Variants in RETREG3 observed in about 807,000 individuals in gnomAD.
RETREG3 encodes reticulophagy regulator 3.
A neutral mutation model predicts 50.2 loss-of-function variants in RETREG3; 23 were observed. The observed-to-expected ratio is 0.46, with a 90% CI of 0.33 to 0.65. The LOEUF is 0.65. Ranked by LOEUF, RETREG3 falls within the 30% of genes least tolerant of loss-of-function variation. The pLI, the probability that RETREG3 is intolerant of heterozygous loss-of-function variation, is 0.02. For missense variants in RETREG3, 546 were observed against 598.0 expected, an observed-to-expected ratio of 0.91 and a Z score of 0.91; for synonymous variants, 240 against 234.4, an observed-to-expected ratio of 1.02 and a Z score of -0.22.
chr17:42,596,224 T>A (rs2143404483), intron 1 of RETREG3, among the ~76,000 whole-genome samples: 1 of 150,728 alleles, frequency 6.6e-6, no homozygotes, highest in East Asian at 2.0e-4. Flanking sequence ...AAAAAAAAAT[T>A]AGCCAGGTAT....
chr17:42,579,564 TCA>T lies in RETREG3; in HGVS notation c.*2247_*2248del, dbSNP rs1189073696. 1 of 152,874 alleles carries T rather than the reference TCA, an allele frequency of 6.5e-6. No individual in the cohort carries two copies. Among genetic ancestry groups the T allele is most frequent in the Non-Finnish European group, 1.5e-5 (1 of 68,068 alleles). The allele number at this position is 152,874 out of a possible 1,614,324, so 9.5% of individuals were successfully genotyped here. A position where few individuals can be genotyped will look rare whatever the true frequency, so the allele number is the denominator to read the frequency against. On this transcript the variant is annotated 3_prime_UTR_variant, in exon 9 of 9. Transcript: ENST00000309428. ...CCAGCACACCCCTCCCCTCCTCAGT[TCA>T]CAGTGGAGACTATGGAGATTCAGGG...
chr17:42,595,288 C>T (rs374274743), intron 1 of RETREG3, among the ~76,000 whole-genome samples: 8 of 151,094 alleles, frequency 5.3e-5, no homozygotes, highest in Non-Finnish European at 7.4e-5. Flanking sequence ...TTTTTTGAGA[C>T]GGAATTTTTT....
chr17:42,581,442 G>A lies in RETREG3; in HGVS notation c.*371C>T. ...GGGCTCTAGAGAGGCGATGAAAGGA[G>A]GAAGGCAGGCATGGGCTCTTTCAGT... is the stretch of plus-strand genomic sequence containing the variant. On this transcript the variant is annotated 3_prime_UTR_variant, in exon 9 of 9. Coordinates refer to ENST00000309428, the MANE Select transcript of RETREG3 (RefSeq NM_178126.4). The A allele has an allele frequency of 5.4e-6, 1 of 185,772 alleles. No homozygotes were observed. The highest frequency in any genetic ancestry group is 1.1e-5 in the Non-Finnish European group (1 of 90,320). 11.5% of individuals were successfully genotyped at this position (185,772 alleles called of 1,614,324 possible).
Position 42,581,762 on chromosome 17 carries a change from A to G in RETREG3, c.*51T>C, listed in dbSNP as rs1159127856. On this transcript the variant is annotated 3_prime_UTR_variant, in exon 9 of 9. Transcript: ENST00000309428. ...CCCTTGCCCCATCACCTTAAGTGGG[A>G]TGGGGAGAAAAAAACCTAAACCACA... The G allele has an allele frequency of 6.8e-7, 1 of 1,481,470 alleles. No individual in the cohort carries two copies. Among genetic ancestry groups the G allele is most frequent in the South Asian group, 1.4e-5 (1 of 73,748 alleles). 91.8% of individuals were successfully genotyped at this position (1,481,470 alleles called of 1,614,324 possible).
intron 1 of RETREG3, among the ~76,000 whole-genome samples, chr17:42,596,118 C>T (rs1019031032): frequency 3.3e-5 from 5 of 151,410 alleles, no homozygotes; most frequent in Non-Finnish European, 5.9e-5. Context: ...CCTATAATCC[C>T]AACACTTTGG....
chr17:42,602,801 A>G (rs2093160966), intron 1 of RETREG3, among the ~76,000 whole-genome samples: 1 of 152,064 alleles, frequency 6.6e-6, no homozygotes, highest in South Asian at 2.1e-4. Flanking sequence ...ACAATTAACC[A>G]GGTGTGGTGA....
At chr17:42,590,623 G>C (rs1234055031) in intron 2 of RETREG3, among the ~76,000 whole-genome samples, 2 of 152,086 alleles carry the variant, frequency 1.3e-5, no homozygotes, top group East Asian at 3.9e-4. Flanking sequence ...AGTGAGCCAT[G>C]ATTGCGCCAC....
At chr17:42,584,934 A>G (rs1205182541) in intron 6 of RETREG3, among the ~76,000 whole-genome samples, 191 bp downstream of exon 6, 1 of 152,132 alleles carries the variant, frequency 6.6e-6, no homozygotes, top group Non-Finnish European at 1.5e-5. Context: ...GCCTAGGATT[A>G]CAAATGATAA....
intron 1 of RETREG3, chr17:42,598,641 C>A (rs2093152711): frequency 6.6e-6 from 1 of 152,206 alleles, no homozygotes; most frequent in African/African-American, 2.4e-5. Context: ...CTTTCGGCCC[C>A]ATTTCCTTAA....
At position 42,585,970 on chromosome 17, in the gene RETREG3, C is replaced by T. The variant is rs879006106; in HGVS notation, c.589+83G>A. 5.6e-6 allele frequency: 7 copies of T among 1,248,654 alleles called. No individual in the cohort carries two copies. The South Asian group carries it at 8.5e-5, about 15-fold the overall frequency. 77.3% of individuals were successfully genotyped at this position (1,248,654 alleles called of 1,614,324 possible). ...TCCTAGAGAATTGAAATATAACAGT[C>T]CTCTCCCCACACCTAGAGTTAGCCA... On this transcript the variant is annotated intron_variant, in intron 5 of 8. Transcript: ENST00000309428.
Position 42,580,365 on chromosome 17 carries a change from A to AT in RETREG3, c.*1447dup, listed in dbSNP as rs2093104753. 2 of 152,776 alleles carry AT rather than the reference A, an allele frequency of 1.3e-5. No individual in the cohort carries two copies. Among genetic ancestry groups the AT allele is most frequent in the South Asian group, 4.1e-4 (2 of 4,834 alleles). The allele number at this position is 152,776 out of a possible 1,614,324, so 9.5% of individuals were successfully genotyped here. On this transcript the variant is annotated 3_prime_UTR_variant, in exon 9 of 9. Coordinates refer to ENST00000309428, the MANE Select transcript of RETREG3 (RefSeq NM_178126.4). ...GCCATTTGTAAAGTGCTACTGTATC[A>AT]TCCCCCATGAATTATTGCTTCTCCA... is the stretch of plus-strand genomic sequence containing the variant.
chr17:42,606,386 AG>A (rs1178798221), intron 1 of RETREG3, among the ~76,000 whole-genome samples: 1 of 151,016 alleles, frequency 6.6e-6, no homozygotes, highest in Non-Finnish European at 1.5e-5. Flanking sequence ...TCACGAGGTC[AG>A]GAGATTGAGA....
At chr17:42,598,691 T>C (rs2093152798) in intron 1 of RETREG3, 1 of 152,244 alleles carries the variant, frequency 6.6e-6, no homozygotes, top group African/African-American at 2.4e-5. Context: ...TCTTCCTGTT[T>C]GTTATTATTA....
chr17:42,589,153 A>G (rs930723152), intron 2 of RETREG3, among the ~76,000 whole-genome samples: 1 of 152,082 alleles, frequency 6.6e-6, no homozygotes, highest in Non-Finnish European at 1.5e-5. Context: ...TGAATGATGT[A>G]TAAGTCTTTT....
chr17:42,586,799 T>C lies in RETREG3; in HGVS notation c.470A>G (p.Asn157Ser), dbSNP rs2093122199. The change falls in exon 4 of 9, where the codon AAT (asparagine) becomes AGT (serine). Residue 157 changes from asparagine (N) to serine (S), a missense_variant. Physicochemically the swap from Asn to Ser is conservative, Grantham distance 46. Transcript: ENST00000309428. ...GTTTTGCTTTTTGAAAAGCAAAACA[T>C]TCCTTATGAAAATGGTCCCACTAAC... ...VWVSGTIFIRNVLLFKKQNPG... is the reference protein window; with the variant it reads ...VWVSGTIFIRSVLLFKKQNPG... 6.2e-7 allele frequency: 1 copy of C among 1,614,070 alleles called. No homozygotes were observed. The highest frequency in any genetic ancestry group is 8.5e-7 in the Non-Finnish European group (1 of 1,179,982).
chr17:42,583,341 T>C (rs561029912), intron 7 of RETREG3, among the ~76,000 whole-genome samples, 157 bp downstream of exon 7: 2 of 151,986 alleles, frequency 1.3e-5, no homozygotes, highest in Non-Finnish European at 2.9e-5. Flanking sequence ...AAGAAAAAAA[T>C]TGAGATCTAG....
chr17:42,597,137 G>A (rs1279361868), intron 1 of RETREG3, among the ~76,000 whole-genome samples: 2 of 151,436 alleles, frequency 1.3e-5, no homozygotes, highest in African/African-American at 4.9e-5. Flanking sequence ...ACCTCCCAAA[G>A]TACTGGGATT....
At position 42,591,421 on chromosome 17, in the gene RETREG3, A is replaced by G. The variant is rs1479218095; in HGVS notation, c.346+635T>C. 1.3e-5 allele frequency among the ~76,000 whole-genome samples: 2 copies of G among 151,300 alleles called. 1 individual carries two copies. Among genetic ancestry groups the G allele is most frequent in the East Asian group, 3.9e-4 (2 of 5,156 alleles). On this transcript the variant is annotated intron_variant, in intron 2 of 8. Transcript: ENST00000309428. ...AGTGGCACGATCTCGGCTCACTGCA[A>G]CCTCCGCCTCCCAGGTTCAAGTGAT...
rs1374297118 is a variant in RETREG3, at chr17:42,582,161, A to T, written c.1053T>A (p.Ile351=). The T allele has an allele frequency of 6.2e-7, 1 of 1,613,956 alleles. No homozygotes were observed. Among genetic ancestry groups the T allele is most frequent in the African/African-American group, 1.3e-5 (1 of 74,910 alleles). ...AGLDDEDDTS[I]GMPSLMYRSP... Reference sequence around the variant, plus strand: ...AACGGTACATCAAGCTGGGCATGCCAATGCTAGTGTCGTCCTCATCATCCA... The same window carrying T: ...AACGGTACATCAAGCTGGGCATGCCTATGCTAGTGTCGTCCTCATCATCCA... Residue 351 remains isoleucine, a synonymous_variant, in exon 9 of 9, where the codon ATT becomes ATA. Coordinates refer to ENST00000309428, the MANE Select transcript of RETREG3 (RefSeq NM_178126.4).
Sources: gnomAD v4.1 joint callset for allele counts (sites outside exome capture counted in the v4.1 genomes callset) on GRCh38, gnomAD v4.1.1 for gene constraint, MANE v1.5 for transcripts, NCBI Gene and HGNC (gene_info 2026-07-23, HGNC 2026-07-21) for gene names.